The following ANO3 variants were observed in gnomAD, a reference collection of about 807,000 sequenced individuals.
The protein encoded by ANO3 is anoctamin-3.
In ANO3, 99 loss-of-function variants were observed where a neutral mutation model predicts 144.8. The ratio of observed to expected loss-of-function variants is 0.68; its 90% CI spans 0.58 to 0.81. The LOEUF (loss-of-function observed/expected upper bound fraction) is 0.81, where lower values mean the gene tolerates loss of function less well. Ranked by LOEUF, ANO3 falls within the 30% of genes least tolerant of loss-of-function variation. The pLI is 0.00. For synonymous variants in ANO3, 414 were observed against 392.6 expected (o/e 1.05, Z -0.64); for missense variants, 905 against 1,202.2 (o/e 0.75, Z 3.66).
At chr11:26,486,816 C>T (rs1371506195) in intron 4 of ANO3, among the ~76,000 whole-genome samples, 1 of 152,184 alleles carries the variant, frequency 6.6e-6, no homozygotes, top group East Asian at 1.9e-4. Context: ...ACATTTGAAT[C>T]TATCATCTTC....
intron 1 of ANO3, among the ~76,000 whole-genome samples, chr11:26,290,884 C>T (rs577379969): frequency 6.6e-6 from 1 of 152,306 alleles, no homozygotes; most frequent in South Asian, 2.1e-4. Context: ...AATGCATATT[C>T]TGTTGATTTG....
rs11822614 is a variant in ANO3, at chr11:26,335,299, A to C, written c.46+2978A>C. Among the ~76,000 whole-genome samples the C allele has an allele frequency of 8.1e-3, 1,229 of 152,302 alleles. 19 individuals carry two copies. The highest frequency in any genetic ancestry group is 0.027 in the African/African-American group (1,141 of 41,556). On this transcript the variant is annotated intron_variant, in intron 1 of 26. Transcript: ENST00000256737. The stretch of plus-strand genomic sequence containing the variant: ...CACACAGTTGGGGCTCAAAAAATTT[A>C]GTGATTTTCCTTACTAAAATTCATC...
chr11:26,634,363 C>A lies in ANO3; in HGVS notation c.1985+48C>A. 3 of 1,233,722 alleles carry A rather than the reference C, an allele frequency of 2.4e-6. No homozygotes were observed. In the South Asian group the frequency reaches 3.8e-5, roughly 16 times the overall value. The allele number at this position is 1,233,722 out of a possible 1,614,324, so 76.4% of individuals were successfully genotyped here. ...ATCTTCGCAGAGTGAAAAACACAGT[C>A]AATAGTTTAATTGACGATTACTGTT... is the stretch of plus-strand genomic sequence containing the variant. On this transcript the variant is annotated intron_variant, in intron 19 of 26. Transcript: ENST00000256737.
rs756337784 is a variant in ANO3, at chr11:26,656,215, A to G, written c.2657+10A>G. ...AATCTGGTTATTGCAGGTACTTATA[A>G]TAGTTATCTTTCCTGCTTGCTTTCA... is the stretch of plus-strand genomic sequence containing the variant. On this transcript the variant is annotated intron_variant, in intron 25 of 26. Transcript: ENST00000256737. The G allele has an allele frequency of 4.4e-6, 7 of 1,606,384 alleles. No homozygotes were observed. The East Asian group carries it at 1.6e-4, about 36-fold the overall frequency.
At chr11:26,611,869 G>A (rs1178816881) in intron 17 of ANO3, among the ~76,000 whole-genome samples, 1 of 146,702 alleles carries the variant, frequency 6.8e-6, no homozygotes, top group Non-Finnish European at 1.5e-5. Flanking sequence ...ATTTTTTTTT[G>A]TCTTTTTACA....
intron 1 of ANO3, among the ~76,000 whole-genome samples, chr11:26,208,632 T>G (rs1851867834): frequency 6.6e-6 from 1 of 152,106 alleles, no homozygotes; most frequent in African/African-American, 2.4e-5. Context: ...ATAGCCACAC[T>G]CTGTGGATCA....
intron 1 of ANO3, among the ~76,000 whole-genome samples, chr11:26,244,974 GGTGTGTGTGTGTGTGTGTGT>G (rs61543573): frequency 3.3e-5 from 4 of 121,638 alleles, no homozygotes; most frequent in South Asian, 3.0e-4. Flanking sequence ...CTGGTCTCCT[GGTGTGTGTGTGTGTGTGTGT>G]GTGTGTGTGT....
At chr11:26,303,430 G>A (rs1365545439) in intron 1 of ANO3, among the ~76,000 whole-genome samples, 4 of 152,148 alleles carry the variant, frequency 2.6e-5, no homozygotes, top group East Asian at 3.9e-4. Flanking sequence ...TATCCTGAGC[G>A]AACTAATGCA....
intron 6 of ANO3, among the ~76,000 whole-genome samples, chr11:26,523,253 A>C (rs1862158231): frequency 6.6e-6 from 1 of 152,212 alleles, no homozygotes; most frequent in African/African-American, 2.4e-5. Context: ...TTACACTTCG[A>C]GATGAGATTT....
intron 4 of ANO3, among the ~76,000 whole-genome samples, chr11:26,485,788 G>A (rs935793207): frequency 1.3e-5 from 2 of 151,924 alleles, no homozygotes; most frequent in African/African-American, 4.8e-5. Flanking sequence ...TTGACATTGG[G>A]GTAGGCAAAT....
chr11:26,444,731 A>T (rs2134027460), intron 3 of ANO3, among the ~76,000 whole-genome samples: 1 of 152,310 alleles, frequency 6.6e-6, no homozygotes, highest in South Asian at 2.1e-4. Context: ...TTTTCTCTAC[A>T]GGCATTGTTA....
In ANO3 at chr11:26,472,614, A is replaced by C. The variant is rs188399000; in HGVS notation, c.432+9466A>C. Reference sequence around the variant, plus strand: ...TTGGGTAGTTAGGGGTCATGTTCACATTACTGGAAAATTATGTTTATTAGG... The same window carrying C: ...TTGGGTAGTTAGGGGTCATGTTCACCTTACTGGAAAATTATGTTTATTAGG... On this transcript the variant is annotated intron_variant, in intron 4 of 26. Coordinates refer to ENST00000256737, the MANE Select transcript of ANO3 (RefSeq NM_031418.4). Among the ~76,000 whole-genome samples the C allele has an allele frequency of 3.6e-4, 55 of 152,054 alleles. No homozygotes were observed. In the East Asian group the frequency reaches 9.7e-3, roughly 27 times the overall value.
chr11:26,601,975 A>C (rs1176582572), intron 17 of ANO3, among the ~76,000 whole-genome samples: 1 of 152,104 alleles, frequency 6.6e-6, no homozygotes, highest in Non-Finnish European at 1.5e-5. Context: ...ATTCAGTGAA[A>C]AATGCACAAT....
At chr11:26,598,827 GA>G (rs754482412) in intron 15 of ANO3, 30 bp from the exon 16 acceptor site, 14 of 1,600,682 alleles carry the variant, frequency 8.7e-6, no homozygotes, top group Middle Eastern at 1.7e-4. Context: ...TTATGGCTTT[GA>G]TATTTAGATA....
In ANO3 at chr11:26,197,715, G is replaced by T. The variant is rs534761448; in HGVS notation, c.154+8385G>T. On this transcript the variant is annotated intron_variant, in intron 1 of 27. Coordinates refer to the ANO3 transcript ENST00000672621. ...AAGCTTTAGAAACGTCTCTTCCAGG[G>T]TTTACTTCATGGTCCTAAGTCATAC... Among the ~76,000 whole-genome samples the T allele has an allele frequency of 1.1e-4, 17 of 152,112 alleles. No individual in the cohort carries two copies. The East Asian group carries it at 3.3e-3, about 29-fold the overall frequency.
At chr11:26,193,136 CTTTTTTTT>C (rs34069836) in intron 1 of ANO3, among the ~76,000 whole-genome samples, 2 of 82,570 alleles carry the variant, frequency 2.4e-5, no homozygotes, top group Admixed American at 1.4e-4. Context: ...TTTTGCCTAT[CTTTTTTTT>C]TTTTTTTTTT....
chr11:26,444,207 T>C (rs1417836566), intron 3 of ANO3, among the ~76,000 whole-genome samples: 2 of 152,226 alleles, frequency 1.3e-5, no homozygotes, highest in Admixed American at 1.3e-4. Flanking sequence ...GTGGATACTA[T>C]AAATTTTATT....
intron 24 of ANO3, among the ~76,000 whole-genome samples, chr11:26,651,335 T>C (rs1477841288): frequency 2.6e-5 from 4 of 152,198 alleles, no homozygotes; most frequent in African/African-American, 7.2e-5. Flanking sequence ...CATGTAGAGC[T>C]TTGACGGAAT....
chr11:26,589,319 C>T (rs1851376272), intron 14 of ANO3, among the ~76,000 whole-genome samples: 3 of 151,562 alleles, frequency 2.0e-5, no homozygotes, highest in South Asian at 4.2e-4. Context: ...TAAGAAAATG[C>T]AACTATGAAC....
Sources: allele counts gnomAD v4.1 joint callset (sites outside exome capture counted in the v4.1 genomes callset), GRCh38; gene constraint gnomAD v4.1.1; transcripts MANE v1.5; gene names NCBI Gene and HGNC (gene_info 2026-07-23, HGNC 2026-07-21).